Variants in SHISA6 observed in about 807,000 individuals in gnomAD.
SHISA6 encodes protein shisa-6.
In SHISA6, 22 loss-of-function variants were observed where a neutral mutation model predicts 47.9. The observed-to-expected ratio is 0.46, with a 90% CI of 0.33 to 0.66. The LOEUF is 0.66. Ranked by LOEUF, SHISA6 falls within the 30% of genes least tolerant of loss-of-function variation. The pLI, the probability that SHISA6 is intolerant of heterozygous loss-of-function variation, is 0.02. For missense variants in SHISA6, 680 were observed against 764.6 expected (o/e 0.89, Z 1.30); for synonymous variants, 388 against 337.8 (o/e 1.15, Z -1.63).
chr17:11,290,382 A>G (rs1308538146), intron 2 of SHISA6: 2 of 130,460 alleles, frequency 1.5e-5, no homozygotes, highest in East Asian at 2.3e-4. Flanking sequence ...ATGGAATCTC[A>G]CTCTGTTGCC....
intron 3 of SHISA6, among the ~76,000 whole-genome samples, chr17:11,454,779 T>A (rs1205056788): frequency 6.6e-6 from 1 of 152,238 alleles, no homozygotes. Context: ...TATCTATTTC[T>A]TTCCGATTCA....
chr17:11,348,821 T>G (rs568324735), intron 2 of SHISA6, among the ~76,000 whole-genome samples: 2 of 152,344 alleles, frequency 1.3e-5, no homozygotes, highest in South Asian at 4.1e-4. Flanking sequence ...GATTGCTCAC[T>G]TTCAAACCAC....
rs1291479880 is a variant in SHISA6, at chr17:11,241,986, C to A, written c.564C>A (p.Val188=). 1.3e-6 allele frequency: 2 copies of A among 1,551,042 alleles called. No homozygotes were observed. The highest frequency in any genetic ancestry group is 1.7e-6 in the Non-Finnish European group (2 of 1,147,022). Residue 188 remains valine (V), a synonymous_variant, in exon 1 of 6, where the codon GTC becomes GTA. Transcript: ENST00000441885. This position sits in a 1 kb window ranked among gnomAD's most constrained non-coding sequence, Gnocchi z 5.5. ...TCACCTGCGGGGTGATCGCCTTCGT[C>A]ATCGTGGCCGGCGTCTTCGCCAAGG... is the stretch of plus-strand genomic sequence containing the variant. ...VYITCGVIAF[V]IVAGVFAKVS...
At chr17:11,317,233 CTTT>C (rs1169698369) in intron 2 of SHISA6, among the ~76,000 whole-genome samples, 3 of 151,850 alleles carry the variant, frequency 2.0e-5, no homozygotes, top group South Asian at 2.1e-4. Flanking sequence ...GTCAAACTCT[CTTT>C]TATTTCTTTG....
intron 2 of SHISA6, among the ~76,000 whole-genome samples, chr17:11,379,128 GAT>G (rs899521551): frequency 6.9e-6 from 1 of 145,936 alleles, no homozygotes; most frequent in African/African-American, 2.5e-5. Context: ...TAATATACTA[GAT>G]ATATATATAA....
At chr17:11,546,957 A>C (rs2071888737) in intron 3 of SHISA6, among the ~76,000 whole-genome samples, 1 of 152,192 alleles carries the variant, frequency 6.6e-6, no homozygotes, top group South Asian at 2.1e-4. Flanking sequence ...AAAGGACAGA[A>C]AGGGTTATTT....
chr17:11,394,386 T>G, intron 3 of SHISA6, among the ~76,000 whole-genome samples: 1 of 152,244 alleles, frequency 6.6e-6, no homozygotes, highest in East Asian at 1.9e-4. Flanking sequence ...GCATATGTGC[T>G]GAGACACAAT....
chr17:11,555,705 T>C, intron 4 of SHISA6, 35 bp from the exon 5 acceptor site: 2 of 1,496,446 alleles, frequency 1.3e-6, no homozygotes, highest in Non-Finnish European at 8.9e-7. Context: ...GACATGGTCC[T>C]CATTAATACA....
At chr17:11,470,475 C>T (rs1396496371) in intron 3 of SHISA6, among the ~76,000 whole-genome samples, 1 of 152,152 alleles carries the variant, frequency 6.6e-6, no homozygotes, top group Non-Finnish European at 1.5e-5. Flanking sequence ...GAAGAACATC[C>T]CCCACAACAA....
intron 3 of SHISA6, among the ~76,000 whole-genome samples, chr17:11,462,263 T>G (rs1200821720): frequency 6.6e-6 from 1 of 152,196 alleles, no homozygotes; most frequent in Non-Finnish European, 1.5e-5. Context: ...GAATGTTTTA[T>G]CCAGTCAGGA....
chr17:11,442,118 C>T (rs1915110420), intron 3 of SHISA6, among the ~76,000 whole-genome samples: 1 of 152,184 alleles, frequency 6.6e-6, no homozygotes, highest in South Asian at 2.1e-4. Flanking sequence ...GACCTGGTGC[C>T]ATGCTTTGAG....
chr17:11,307,795 G>A (rs1241396817), intron 2 of SHISA6, among the ~76,000 whole-genome samples: 1 of 152,170 alleles, frequency 6.6e-6, no homozygotes, highest in Non-Finnish European at 1.5e-5. Context: ...ATGCTATGGA[G>A]AAAAATAATG....
At chr17:11,395,704 G>A (rs1913548602) in intron 3 of SHISA6, among the ~76,000 whole-genome samples, 1 of 151,792 alleles carries the variant, frequency 6.6e-6, no homozygotes, top group African/African-American at 2.4e-5. Context: ...TTATAGTAGA[G>A]ACAGGGTTTC....
intron 3 of SHISA6, among the ~76,000 whole-genome samples, chr17:11,478,892 T>C (rs1274673995): frequency 6.7e-6 from 1 of 148,366 alleles, no homozygotes; most frequent in Non-Finnish European, 1.5e-5. Context: ...TAGGATTGAC[T>C]TGGCGATGCG....
chr17:11,267,824 A>G (rs540816500), intron 2 of SHISA6, among the ~76,000 whole-genome samples: 5 of 152,250 alleles, frequency 3.3e-5, no homozygotes, highest in South Asian at 2.1e-4. Context: ...GGAGGTCAGT[A>G]TGGAGCTTTG....
At chr17:11,330,884 C>T (rs1911082090) in intron 2 of SHISA6, among the ~76,000 whole-genome samples, 1 of 152,130 alleles carries the variant, frequency 6.6e-6, no homozygotes, top group Non-Finnish European at 1.5e-5. Flanking sequence ...TGCTCGTGAG[C>T]CAGGAACCTC....
intron 2 of SHISA6, among the ~76,000 whole-genome samples, chr17:11,306,936 G>A (rs1343123450): frequency 6.6e-6 from 1 of 152,108 alleles, no homozygotes; most frequent in Non-Finnish European, 1.5e-5. Context: ...TCCTTAAGTT[G>A]ATCTTTGCCT....
intron 2 of SHISA6, among the ~76,000 whole-genome samples, chr17:11,357,606 C>T (rs1912119959): frequency 1.3e-5 from 2 of 152,160 alleles, no homozygotes; most frequent in Non-Finnish European, 2.9e-5. Flanking sequence ...GAGAATTTCC[C>T]ATGGCATTAA....
At chr17:11,483,739 C>T (rs1195279265) in intron 3 of SHISA6, among the ~76,000 whole-genome samples, 1 of 152,108 alleles carries the variant, frequency 6.6e-6, no homozygotes, top group Non-Finnish European at 1.5e-5. Flanking sequence ...GGGAGGATTG[C>T]TTGAGGCCAG....
Sources: allele counts gnomAD v4.1 joint callset (sites outside exome capture counted in the v4.1 genomes callset), GRCh38; gene constraint gnomAD v4.1.1; non-coding constraint Gnocchi (gnomAD v3.1); transcripts MANE v1.5; gene names NCBI Gene and HGNC (gene_info 2026-07-23, HGNC 2026-07-21).